OPCML: variants seen among roughly 807,000 people sequenced by gnomAD.
OPCML encodes the protein opioid binding protein/cell adhesion molecule like.
OPCML carries 13 observed loss-of-function variants against 37.8 expected under a neutral mutation model. The ratio of observed to expected loss-of-function variants is 0.34; its 90% CI spans 0.22 to 0.55. The LOEUF is 0.55. Among genes scored for constraint, OPCML ranks in the 20% least tolerant of loss-of-function variants. OPCML has a pLI of 0.91. For missense variants in OPCML, 341 were observed against 435.6 expected (o/e 0.78, Z 1.93); for synonymous variants, 176 against 168.8 (o/e 1.04, Z -0.33).
In OPCML at chr11:133,123,162, C is replaced by T. The variant is rs988567787; in HGVS notation, c.62-180152G>A. ...TTTGAAGGAGAATTTTCTCCTATGA[C>T]ATCATGCAGTAAGAAATTCCCTCAA... On this transcript the variant is annotated intron_variant, in intron 1 of 7. Transcript: ENST00000524381. Among the ~76,000 whole-genome samples, 3 of 152,200 alleles carry T rather than the reference C, an allele frequency of 2.0e-5. No individual in the cohort carries two copies. The East Asian group carries it at 5.8e-4, about 29-fold the overall frequency.
At chr11:133,074,394 T>C (rs1948590250) in intron 1 of OPCML, among the ~76,000 whole-genome samples, 1 of 152,238 alleles carries the variant, frequency 6.6e-6, no homozygotes, top group South Asian at 2.1e-4. Context: ...TTACTTTGGC[T>C]GCCAGGAGCC....
At chr11:133,243,793 G>T (rs534401439) in intron 1 of OPCML, among the ~76,000 whole-genome samples, 1 of 152,198 alleles carries the variant, frequency 6.6e-6, no homozygotes, top group Non-Finnish European at 1.5e-5. Context: ...GCTTATTTGC[G>T]AAATAAAGGA....
intron 2 of OPCML, among the ~76,000 whole-genome samples, chr11:132,864,974 G>A (rs1218598910): frequency 6.6e-6 from 1 of 152,246 alleles, no homozygotes; most frequent in Non-Finnish European, 1.5e-5. Context: ...CGGACAGCGA[G>A]CCCCTGGCTG....
At chr11:133,299,103 C>A (rs1942714088) in intron 1 of OPCML, 1 of 152,242 alleles carries the variant, frequency 6.6e-6, no homozygotes, top group East Asian at 1.9e-4. Context: ...TGCACCTAAT[C>A]CCCTCATAAA....
At chr11:132,470,154 G>A (rs2096133417) in intron 4 of OPCML, among the ~76,000 whole-genome samples, 2 of 152,092 alleles carry the variant, frequency 1.3e-5, no homozygotes, top group Non-Finnish European at 2.9e-5. Flanking sequence ...AGAACACATT[G>A]TTGCAGAAGG....
At chr11:133,038,248 C>A (rs1947818661) in intron 1 of OPCML, among the ~76,000 whole-genome samples, 1 of 152,230 alleles carries the variant, frequency 6.6e-6, no homozygotes, top group Non-Finnish European at 1.5e-5. Flanking sequence ...TGCCTTTGGT[C>A]CCAATCAGCT....
chr11:133,444,119 G>T (rs1398151191), intron 1 of OPCML, among the ~76,000 whole-genome samples: 2 of 152,004 alleles, frequency 1.3e-5, no homozygotes, highest in African/African-American at 4.8e-5. Context: ...TTTTCTAAAT[G>T]CTTCTCCATG....
intron 1 of OPCML, among the ~76,000 whole-genome samples, chr11:132,970,640 T>C (rs1333972210): frequency 6.7e-6 from 1 of 150,290 alleles, no homozygotes; most frequent in African/African-American, 2.4e-5. Context: ...CATTTTTCCA[T>C]AAATGTCACA....
chr11:133,226,416 G>T (rs1940041817), intron 1 of OPCML, among the ~76,000 whole-genome samples: 1 of 152,204 alleles, frequency 6.6e-6, no homozygotes, highest in Non-Finnish European at 1.5e-5. Flanking sequence ...AAATGCTGAT[G>T]GTTGTGATCC....
chr11:133,294,758 T>C (rs2136548017), intron 1 of OPCML, among the ~76,000 whole-genome samples: 1 of 150,478 alleles, frequency 6.6e-6, no homozygotes, highest in Admixed American at 6.6e-5. Context: ...AAAACATGTT[T>C]CAAGGGCAAA....
At chr11:133,242,026 A>G (rs1364690704) in intron 1 of OPCML, among the ~76,000 whole-genome samples, 2 of 152,174 alleles carry the variant, frequency 1.3e-5, no homozygotes, top group African/African-American at 4.8e-5. Flanking sequence ...AGAATCAATC[A>G]TTTATTTTTA....
intron 2 of OPCML, among the ~76,000 whole-genome samples, chr11:132,707,808 C>T (rs1445728304): frequency 6.6e-6 from 1 of 152,070 alleles, no homozygotes; most frequent in Non-Finnish European, 1.5e-5. Context: ...GGGTAGCACT[C>T]TTTAAGAGTA....
intron 2 of OPCML, among the ~76,000 whole-genome samples, chr11:132,767,255 C>T (rs1197667271): frequency 1.3e-5 from 2 of 152,108 alleles, no homozygotes; most frequent in African/African-American, 2.4e-5. Context: ...TTAGTTTATT[C>T]GACCTTCATT....
intron 1 of OPCML, among the ~76,000 whole-genome samples, chr11:133,041,626 T>C (rs982017126): frequency 1.3e-5 from 2 of 152,118 alleles, no homozygotes; most frequent in Non-Finnish European, 2.9e-5. Context: ...TAAGATGACT[T>C]TTTCGTGTTT....
chr11:132,572,567 T>C (rs2096441164), intron 3 of OPCML, among the ~76,000 whole-genome samples: 1 of 152,118 alleles, frequency 6.6e-6, no homozygotes, highest in Non-Finnish European at 1.5e-5. Context: ...ACTATGTATG[T>C]GAATTTATTT....
At chr11:133,199,662 C>T (rs1297246695) in intron 1 of OPCML, among the ~76,000 whole-genome samples, 2 of 152,180 alleles carry the variant, frequency 1.3e-5, no homozygotes, top group African/African-American at 4.8e-5. Flanking sequence ...ATCCATGCTG[C>T]TCTGAATTAT....
intron 1 of OPCML, among the ~76,000 whole-genome samples, chr11:133,324,267 C>T (rs1383660504): frequency 1.3e-5 from 2 of 152,154 alleles, no homozygotes; most frequent in East Asian, 1.9e-4. Flanking sequence ...TGTCTGATCC[C>T]TGCCTGCTCC....
chr11:132,771,888 G>A (rs1034053654), intron 2 of OPCML: 1 of 152,226 alleles, frequency 6.6e-6, no homozygotes, highest in Admixed American at 6.5e-5. Flanking sequence ...ACATGAGCCA[G>A]GAGCTAACGC....
chr11:132,441,164 TG>T (rs375638622), intron 4 of OPCML, among the ~76,000 whole-genome samples: 2,225 of 89,422 alleles, frequency 0.025, 247 homozygotes, highest in African/African-American at 0.15. Flanking sequence ...AGGACTTTTT[TG>T]TTTTTTTTTT....
Sources: gnomAD v4.1 joint callset for allele counts (sites outside exome capture counted in the v4.1 genomes callset) on GRCh38, gnomAD v4.1.1 for gene constraint, MANE v1.5 for transcripts, NCBI Gene and HGNC (gene_info 2026-07-23, HGNC 2026-07-21) for gene names.